NTN1: variants seen among roughly 807,000 people sequenced by gnomAD.
The protein encoded by NTN1 is netrin-1.
In NTN1, 11 loss-of-function variants were observed where a neutral mutation model predicts 54.2. That is an observed-to-expected ratio of 0.20 (90% CI 0.13 to 0.34). The LOEUF is 0.34. Among genes scored for constraint, NTN1 ranks in the 10% least tolerant of loss-of-function variants. NTN1 has a pLI of 1.00. For synonymous variants in NTN1, 371 were observed against 382.0 expected (o/e 0.97, Z 0.33); for missense variants, 740 against 893.1 (o/e 0.83, Z 2.18).
rs1260550914 is a variant in NTN1, at chr17:9,239,956, CAAG to C, written c.1807_1809del (p.Lys603del). The C allele has an allele frequency of 2.3e-6, 3 of 1,311,174 alleles. No individual in the cohort carries two copies. The highest frequency in any genetic ancestry group is 3.5e-5 in the African/African-American group (2 of 57,724). 81.2% of individuals were successfully genotyped at this position (1,311,174 alleles called of 1,614,324 possible). On this transcript the variant is annotated inframe_deletion, in exon 7 of 7. Coordinates refer to ENST00000173229, the MANE Select transcript of NTN1 (RefSeq NM_004822.3). This position sits in a 1 kb window ranked among gnomAD's most constrained non-coding sequence, Gnocchi z 5.2. ...AGCAGCGTGAGAAGAAGGGCAAGTG[CAAG>C]AAGGCCTAGCGCCGAGGCAGCGGGC...
intron 2 of NTN1, among the ~76,000 whole-genome samples, chr17:9,148,609 A>C (rs1449739194): frequency 6.6e-6 from 1 of 152,056 alleles, no homozygotes; most frequent in Admixed American, 6.6e-5. Flanking sequence ...TATTTGCTAA[A>C]CCTGGCAACC....
chr17:9,028,718 A>AT (rs1190584932), intron 2 of NTN1, among the ~76,000 whole-genome samples: 1 of 152,066 alleles, frequency 6.6e-6, no homozygotes, highest in Non-Finnish European at 1.5e-5. Context: ...CATTAAGTAA[A>AT]TTTTTTGTCT....
At chr17:9,133,743 A>G (rs1227165598) in intron 2 of NTN1, among the ~76,000 whole-genome samples, 1 of 139,006 alleles carries the variant, frequency 7.2e-6, no homozygotes, top group Non-Finnish European at 1.5e-5. Flanking sequence ...GCGCACCACC[A>G]TGCCCAGCTA....
chr17:9,163,147 GACACACACACACACAC>G (rs56255655), intron 3 of NTN1, 146 bp downstream of exon 3: 551 of 523,784 alleles, frequency 1.1e-3, no homozygotes, highest in African/African-American at 4.4e-3. Context: ...CTCTCTCTGT[GACACACACACACACAC>G]ACACACACAC....
intron 2 of NTN1, among the ~76,000 whole-genome samples, chr17:9,027,140 A>C (rs2091873985): frequency 6.6e-6 from 1 of 152,176 alleles, no homozygotes; most frequent in Non-Finnish European, 1.5e-5. Context: ...CCAATGCCCC[A>C]CTAAAGATTC....
At chr17:9,026,986 T>C (rs527988845) in intron 2 of NTN1, among the ~76,000 whole-genome samples, 16 of 152,240 alleles carry the variant, frequency 1.1e-4, no homozygotes, top group Non-Finnish European at 1.9e-4. Context: ...ACCTGCAACA[T>C]AATGCTTGTG....
upstream of NTN1, among the ~76,000 whole-genome samples, chr17:9,020,328 A>C (rs981949071): frequency 2.0e-5 from 3 of 152,232 alleles, no homozygotes; most frequent in Non-Finnish European, 4.4e-5. Context: ...GGCCCAGTGT[A>C]TTCCTTTCCC....
At chr17:9,185,197 C>T (rs2092429669) in intron 5 of NTN1, among the ~76,000 whole-genome samples, 1 of 152,180 alleles carries the variant, frequency 6.6e-6, no homozygotes, top group Admixed American at 6.5e-5. Flanking sequence ...GGAGCCATCT[C>T]TGGGACACAA....
intron 6 of NTN1, among the ~76,000 whole-genome samples, chr17:9,225,820 C>T (rs72814107): frequency 0.049 from 7,457 of 152,306 alleles, 271 homozygotes; most frequent in Middle Eastern, 0.088. Flanking sequence ...TTTCCTTCAC[C>T]CAGGGCACTT....
chr17:9,149,140 G>A (rs1043405656), intron 2 of NTN1, among the ~76,000 whole-genome samples: 1 of 152,110 alleles, frequency 6.6e-6, no homozygotes, highest in African/African-American at 2.4e-5. Flanking sequence ...ATGACTCCAG[G>A]GAGCCAGGAG....
At position 9,114,441 on chromosome 17, in the gene NTN1, T is replaced by C. The variant is rs546324280; in HGVS notation, c.1019-48372T>C. Among the ~76,000 whole-genome samples, 17 of 143,760 alleles carry C rather than the reference T, an allele frequency of 1.2e-4. No homozygotes were observed. In the South Asian group the frequency reaches 3.7e-3, roughly 31 times the overall value. 94.3% of individuals were successfully genotyped at this position (143,760 alleles called of 152,430 possible). ...GCAAAAAAATATATTGATGTTTTAC[T>C]TGAGTTAAAAAAAAAAAAGATAAAC... On this transcript the variant is annotated intron_variant, in intron 2 of 6. Coordinates refer to ENST00000173229, the MANE Select transcript of NTN1 (RefSeq NM_004822.3).
intron 2 of NTN1, among the ~76,000 whole-genome samples, chr17:9,054,656 T>C (rs2142201770): frequency 6.6e-6 from 1 of 151,870 alleles, no homozygotes; most frequent in East Asian, 2.0e-4. Flanking sequence ...GCTAAATATC[T>C]GAAATGAGAG....
At chr17:9,087,498 T>C (rs1280498247) in intron 2 of NTN1, among the ~76,000 whole-genome samples, 3 of 152,188 alleles carry the variant, frequency 2.0e-5, no homozygotes, top group East Asian at 3.8e-4. Flanking sequence ...CGTGATTGGC[T>C]TGTGCTGTAG....
intron 4 of NTN1, among the ~76,000 whole-genome samples, chr17:9,181,806 T>TCA (rs2092419647): frequency 6.6e-6 from 1 of 152,016 alleles, no homozygotes; most frequent in South Asian, 2.1e-4. Flanking sequence ...AGTCCCTTCC[T>TCA]CTTAGGGACT....
chr17:9,152,060 G>A (rs2092329131), intron 2 of NTN1, among the ~76,000 whole-genome samples: 1 of 152,186 alleles, frequency 6.6e-6, no homozygotes. Flanking sequence ...CCCCCCGCGG[G>A]CCATGAGTGG....
At chr17:9,108,516 T>C (rs2092177015) in intron 2 of NTN1, among the ~76,000 whole-genome samples, 1 of 152,230 alleles carries the variant, frequency 6.6e-6, no homozygotes, top group Non-Finnish European at 1.5e-5. Context: ...GTACAGGTCA[T>C]TGTATCCTGA....
In NTN1 at chr17:9,162,925, C is replaced by T; in HGVS notation, c.1131C>T (p.Gly377=). The change falls in exon 3 of 7, where the codon GGC becomes GGT. Residue 377 remains glycine (G), a synonymous_variant. Coordinates refer to ENST00000173229, the MANE Select transcript of NTN1 (RefSeq NM_004822.3). Reference sequence around the variant, plus strand: ...TCAACTGTCGCCACAACACCGCCGGCCGCCACTGCCATTACTGCAAGGAGG... The same window carrying T: ...TCAACTGTCGCCACAACACCGCCGGTCGCCACTGCCATTACTGCAAGGAGG... ...VCLNCRHNTA[G]RHCHYCKEGY... 2 of 1,613,694 alleles carry T rather than the reference C, an allele frequency of 1.2e-6. No individual in the cohort carries two copies.
intron 2 of NTN1, among the ~76,000 whole-genome samples, chr17:9,066,276 G>T (rs1026828296): frequency 6.6e-6 from 1 of 151,966 alleles, no homozygotes; most frequent in African/African-American, 2.4e-5. Flanking sequence ...AAATAAAAAA[G>T]ATATCATAAA....
Position 9,096,366 on chromosome 17 carries a change from C to CCTTTTTTTTTTTTTTTTTTTTT in NTN1, c.1019-66447_1019-66446insCTTTTTTTTTTTTTTTTTTTTT, listed in dbSNP as rs55880198. Among the ~76,000 whole-genome samples the CCTTTTTTTTTTTTTTTTTTTTT allele has an allele frequency of 1.4e-4, 13 of 91,510 alleles. 6 individuals carry two copies. Among genetic ancestry groups the CCTTTTTTTTTTTTTTTTTTTTT allele is most frequent in the Non-Finnish European group, 1.8e-4 (9 of 49,116 alleles). 60.0% of individuals were successfully genotyped at this position (91,510 alleles called of 152,430 possible). Reference sequence around the variant, plus strand: ...TGTCTTCCTGGGTTTTATGGGTAGACTTTTTTTTTTTTTTTTTTTTTTGAG... The same window carrying CCTTTTTTTTTTTTTTTTTTTTT: ...TGTCTTCCTGGGTTTTATGGGTAGACCTTTTTTTTTTTTTTTTTTTTTTTTTTTTTTTTTTTTTTTTTTTGAG... On this transcript the variant is annotated intron_variant, in intron 2 of 6. Transcript: ENST00000173229.
Sources: allele counts gnomAD v4.1 joint callset (sites outside exome capture counted in the v4.1 genomes callset), GRCh38; gene constraint gnomAD v4.1.1; non-coding constraint Gnocchi (gnomAD v3.1); transcripts MANE v1.5; gene names NCBI Gene and HGNC (gene_info 2026-07-23, HGNC 2026-07-21).